Variants in FAM178B observed in about 807,000 individuals in gnomAD.
The protein encoded by FAM178B is protein FAM178B.
FAM178B carries 82 observed loss-of-function variants against 91.7 expected under a neutral mutation model. The ratio of observed to expected loss-of-function variants is 0.89; its 90% confidence interval spans 0.75 to 1.07. The LOEUF (loss-of-function observed/expected upper bound fraction) is 1.07, where lower values mean the gene tolerates loss of function less well. FAM178B is among the 50% of genes least tolerant of loss of function. The probability of loss-of-function intolerance (pLI) is 0.00; values close to 1 mark genes in which losing one functional copy is unlikely to be tolerated. For synonymous variants in FAM178B, 368 were observed against 359.4 expected, an observed-to-expected ratio of 1.02 and a Z score of -0.27; for missense variants, 769 against 846.7, an observed-to-expected ratio of 0.91 and a Z score of 1.14.
intron 1 of FAM178B, among the ~76,000 whole-genome samples, chr2:96,984,192 C>G (rs1461550190): frequency 6.6e-6 from 1 of 152,100 alleles, no homozygotes; most frequent in Non-Finnish European, 1.5e-5. Context: ...GATCTCCTGA[C>G]CTTGTGATCT....
chr2:96,977,715 A>G, intron 1 of FAM178B: 1 of 407,918 alleles, frequency 2.5e-6, no homozygotes, highest in Non-Finnish European at 5.0e-6. Context: ...GAAGGAGGGA[A>G]GGATATTTCC....
intron 13 of FAM178B, among the ~76,000 whole-genome samples, chr2:96,899,371 TACCTGGCACAGA>T (rs1019046914): frequency 4.3e-4 from 66 of 152,288 alleles, no homozygotes; most frequent in African/African-American, 1.6e-3. Context: ...CCAGTGCCAG[TACCTGGCACAGA>T]GCCTGGCACT....
intron 9 of FAM178B, among the ~76,000 whole-genome samples, chr2:96,926,260 T>C (rs58447335): frequency 0.11 from 17,336 of 152,018 alleles, 2,098 homozygotes; most frequent in African/African-American, 0.31. Flanking sequence ...CGAGATGGCA[T>C]CACTGCACTC....
At chr2:96,973,934 C>T (rs958856123) in intron 1 of FAM178B, among the ~76,000 whole-genome samples, 23 of 151,802 alleles carry the variant, frequency 1.5e-4, no homozygotes, top group African/African-American at 5.6e-4. Flanking sequence ...ACCCAGGAGA[C>T]GGCAGTTGCA....
intron 8 of FAM178B, among the ~76,000 whole-genome samples, chr2:96,945,430 A>G (rs1352050037): frequency 1.3e-5 from 2 of 152,180 alleles, no homozygotes; most frequent in Non-Finnish European, 2.9e-5. Context: ...GAATCTCCCT[A>G]GGATAGTCTG....
At chr2:96,907,141 G>A (rs183474385) in intron 12 of FAM178B, among the ~76,000 whole-genome samples, 2 of 152,186 alleles carry the variant, frequency 1.3e-5, no homozygotes, top group East Asian at 1.9e-4. Flanking sequence ...TGTGAGTGGC[G>A]AGCCCCCTTG....
rs6750988 is a variant in FAM178B, at chr2:96,878,352, G to A, written c.1854+64C>T. ...CTGGGCGCCATCCCAGCCAACCCCCGCCGCTTGGGGGAGAAGACACAGCTG... is the reference window on the plus strand; with the variant it reads ...CTGGGCGCCATCCCAGCCAACCCCCACCGCTTGGGGGAGAAGACACAGCTG... On this transcript the variant is annotated intron_variant, in intron 15 of 16. Transcript: ENST00000490605. 3.2e-5 allele frequency: 48 copies of A among 1,492,862 alleles called. 1 individual carries two copies. In the African/African-American group the frequency reaches 4.1e-4, roughly 13 times the overall value. The allele number at this position is 1,492,862 out of a possible 1,614,324, so 92.5% of individuals were successfully genotyped here.
chr2:96,985,146 G>A (rs539924857), intron 1 of FAM178B, among the ~76,000 whole-genome samples: 3 of 152,302 alleles, frequency 2.0e-5, no homozygotes, highest in African/African-American at 4.8e-5. Context: ...TCCTGACAGC[G>A]TGGGAGGGGA....
intron 12 of FAM178B, among the ~76,000 whole-genome samples, chr2:96,904,199 CA>C (rs576366596): frequency 4.6e-4 from 70 of 152,296 alleles, no homozygotes; most frequent in African/African-American, 1.7e-3. Flanking sequence ...ACAGCAGCAG[CA>C]GCAGCAGCAA....
At chr2:96,924,007 C>G (rs181091058) in intron 9 of FAM178B, among the ~76,000 whole-genome samples, 1 of 152,214 alleles carries the variant, frequency 6.6e-6, no homozygotes, top group Admixed American at 6.5e-5. Flanking sequence ...AACCTAACCT[C>G]GAAAGTGACA....
rs2082232677 is a variant in FAM178B at position 96,972,276 on chromosome 2, C to A, written c.189G>T (p.Glu63Asp). The change falls in exon 3 of 17, where the codon GAG becomes GAT. Residue 63 changes from glutamate (E) to aspartate (D), a missense_variant. Transcript: ENST00000490605. The stretch of plus-strand genomic sequence containing the variant: ...CCAGGGGATGGTCTGACAAGCCATC[C>A]TCCAGGTTGTACAGGAGGATGGGCA... ...ATVPILLYNL[E>D]DGLSDHPLDQ... The A allele has an allele frequency of 1.3e-6, 2 of 1,493,998 alleles. No homozygotes were observed. Among genetic ancestry groups the A allele is most frequent in the South Asian group, 1.3e-5 (1 of 74,494 alleles). 92.5% of individuals were successfully genotyped at this position (1,493,998 alleles called of 1,614,324 possible).
At chr2:96,878,548 G>A in intron 14 of FAM178B, 55 bp from the exon 15 acceptor site, 1 of 1,534,912 alleles carries the variant, frequency 6.5e-7, no homozygotes, top group Non-Finnish European at 9.0e-7. Flanking sequence ...GGGCAGCATG[G>A]CGTGCCCTCC....
chr2:96,912,629 C>A lies in FAM178B; in HGVS notation c.1562+8536G>T, dbSNP rs1349753863. 2.0e-5 allele frequency among the ~76,000 whole-genome samples: 3 copies of A among 152,182 alleles called. No homozygotes were observed. The East Asian group carries it at 5.8e-4, about 29-fold the overall frequency. On this transcript the variant is annotated intron_variant, in intron 12 of 16. Coordinates refer to ENST00000490605, the MANE Select transcript of FAM178B (RefSeq NM_001122646.3). ...TCCTCAGCTCCTGGCCCTTTAGGTC[C>A]TTCAGACATCCCACCTGAGAGGGAG...
chr2:96,971,760 T>G, intron 3 of FAM178B, 141 bp downstream of exon 3: 1 of 762,916 alleles, frequency 1.3e-6, no homozygotes, highest in Non-Finnish European at 1.9e-6. Context: ...GCCCAAGGGC[T>G]GAGCAGGGAT....
At chr2:96,893,386 C>G (rs2080729531) in intron 14 of FAM178B, among the ~76,000 whole-genome samples, 1 of 152,028 alleles carries the variant, frequency 6.6e-6, no homozygotes, top group Admixed American at 6.6e-5. Flanking sequence ...CTGACTCCCA[C>G]CAGAACTTGG....
chr2:96,958,788 T>C lies in FAM178B; in HGVS notation c.887+1500A>G, dbSNP rs192575493. ...TATTAGCACTATTAAGAAATTACTA[T>C]TTCTTCAGGTATGATAGTAATATCG... On this transcript the variant is annotated intron_variant, in intron 6 of 16. Coordinates refer to ENST00000490605, the MANE Select transcript of FAM178B (RefSeq NM_001122646.3). 1.6e-3 allele frequency among the ~76,000 whole-genome samples: 240 copies of C among 150,550 alleles called. 1 individual carries two copies. Among genetic ancestry groups the C allele is most frequent in the African/African-American group, 5.6e-3 (229 of 41,046 alleles).
intron 14 of FAM178B, among the ~76,000 whole-genome samples, chr2:96,882,288 C>T (rs1470947899): frequency 6.6e-6 from 1 of 152,210 alleles, no homozygotes; most frequent in African/African-American, 2.4e-5. Flanking sequence ...CCTGAGTCTC[C>T]CCATCTAAAC....
intron 14 of FAM178B, among the ~76,000 whole-genome samples, chr2:96,880,157 T>C (rs1442378302): frequency 6.6e-6 from 1 of 151,900 alleles, no homozygotes; most frequent in Admixed American, 6.6e-5. Context: ...CCTTCCAGGG[T>C]TTTTTGGGGG....
At chr2:96,903,679 G>A in intron 12 of FAM178B, among the ~76,000 whole-genome samples, 1 of 152,234 alleles carries the variant, frequency 6.6e-6, no homozygotes, top group Non-Finnish European at 1.5e-5. Flanking sequence ...GAGGCAAAGA[G>A]GCTGAAACAG....
Sources: allele counts gnomAD v4.1 joint callset (sites outside exome capture counted in the v4.1 genomes callset), GRCh38; gene constraint gnomAD v4.1.1; transcripts MANE v1.5; gene names NCBI Gene and HGNC (gene_info 2026-07-23, HGNC 2026-07-21).